Variants in ABCG2 observed in about 807,000 individuals in gnomAD.
ABCG2 encodes the protein broad substrate specificity ATP-binding cassette transporter ABCG2.
In ABCG2, 80 loss-of-function variants were observed where a neutral mutation model predicts 73.5. The observed-to-expected ratio is 1.09, with a 90% CI of 0.91 to 1.31. The LOEUF is 1.31. Ranked by LOEUF, ABCG2 falls within the 50% of genes most tolerant of loss-of-function variation. ABCG2 has a pLI of 0.00. For synonymous variants in ABCG2, 269 were observed against 282.4 expected, an observed-to-expected ratio of 0.95 and a Z score of 0.48; for missense variants, 796 against 786.2, an observed-to-expected ratio of 1.01 and a Z score of -0.15.
At chr4:88,215,110 A>AT (rs1729763163) in intron 1 of ABCG2, among the ~76,000 whole-genome samples, 1 of 152,144 alleles carries the variant, frequency 6.6e-6, no homozygotes, top group African/African-American at 2.4e-5. Context: ...TGGAAAAAAA[A>AT]GAGAGTTGCA....
chr4:88,216,949 T>G (rs1012998631), intron 1 of ABCG2, among the ~76,000 whole-genome samples: 4 of 151,594 alleles, frequency 2.6e-5, no homozygotes, highest in Non-Finnish European at 5.9e-5. Context: ...GAGAATCACT[T>G]GAACCCGGGA....
At chr4:88,117,802 A>G (rs1723695875) in intron 7 of ABCG2, among the ~76,000 whole-genome samples, 1 of 152,236 alleles carries the variant, frequency 6.6e-6, no homozygotes, top group Admixed American at 6.5e-5. Flanking sequence ...AAATGGCTAT[A>G]AGGCCAACAT....
At chr4:88,171,787 C>T (rs1727765565) in intron 1 of ABCG2, among the ~76,000 whole-genome samples, 1 of 152,046 alleles carries the variant, frequency 6.6e-6, no homozygotes, top group African/African-American at 2.4e-5. Flanking sequence ...TGCTTTAAGA[C>T]ACCTGGGAAT....
intron 1 of ABCG2, among the ~76,000 whole-genome samples, chr4:88,213,689 T>C (rs1438694157): frequency 2.0e-5 from 3 of 151,998 alleles, no homozygotes; most frequent in African/African-American, 7.3e-5. Context: ...TATATTTCTT[T>C]TTGTTTGTTT....
At chr4:88,122,437 C>T (rs769428591) in intron 5 of ABCG2, among the ~76,000 whole-genome samples, 4 of 152,192 alleles carry the variant, frequency 2.6e-5, no homozygotes, top group African/African-American at 9.6e-5. Context: ...ATTCTTACTG[C>T]CAGCACAGCA....
At chr4:88,100,064 C>T (rs1722285017) in intron 11 of ABCG2, among the ~76,000 whole-genome samples, 1 of 152,122 alleles carries the variant, frequency 6.6e-6, no homozygotes, top group South Asian at 2.1e-4. Context: ...CAAACTCTTC[C>T]ACTTCCTTCA....
intron 1 of ABCG2, among the ~76,000 whole-genome samples, chr4:88,189,965 T>C (rs1728618794): frequency 6.6e-6 from 1 of 152,130 alleles, no homozygotes; most frequent in Non-Finnish European, 1.5e-5. Context: ...AATGAACAAA[T>C]GAATGAAGTT....
chr4:88,100,224 G>A (rs1439945353), intron 11 of ABCG2, among the ~76,000 whole-genome samples: 2 of 150,828 alleles, frequency 1.3e-5, no homozygotes, highest in Non-Finnish European at 1.5e-5. Context: ...AGGCGCCCCG[G>A]TGCAGTGGCT....
rs1337157406 is a variant in ABCG2, at chr4:88,225,631, G to T, written c.-20+5363C>A. Among the ~76,000 whole-genome samples, 3 of 152,206 alleles carry T rather than the reference G, an allele frequency of 2.0e-5. No homozygotes were observed. The East Asian group carries it at 5.8e-4, about 29-fold the overall frequency. ...CACAGGGCTTTGATGTAGACAGGAA[G>T]CATAAGCTGAGCATTTTAATATGGT... On this transcript the variant is annotated intron_variant, in intron 1 of 15. Coordinates refer to the ABCG2 transcript ENST00000515655.
At chr4:88,194,443 G>A (rs1728847684) in intron 1 of ABCG2, among the ~76,000 whole-genome samples, 2 of 150,866 alleles carry the variant, frequency 1.3e-5, no homozygotes, top group Non-Finnish European at 1.5e-5. Context: ...CCAGCTACTC[G>A]GGAGGCTGAG....
intron 7 of ABCG2, among the ~76,000 whole-genome samples, chr4:88,116,201 A>AAATT (rs1266089819): frequency 6.6e-6 from 1 of 152,264 alleles, no homozygotes; most frequent in African/African-American, 2.4e-5. Context: ...TCTCAAAGGT[A>AAATT]AATTAATTAA....
intron 1 of ABCG2, among the ~76,000 whole-genome samples, chr4:88,184,515 A>C (rs1305174149): frequency 6.6e-6 from 1 of 152,222 alleles, no homozygotes; most frequent in Non-Finnish European, 1.5e-5. Flanking sequence ...ATATCTTTAC[A>C]ATGAAAGTGA....
intron 1 of ABCG2, among the ~76,000 whole-genome samples, chr4:88,198,570 C>A (rs565608888): frequency 3.3e-5 from 5 of 151,616 alleles, no homozygotes; most frequent in Non-Finnish European, 7.4e-5. Context: ...GAGTTTGAGG[C>A]TGCAGTGAGC....
At chr4:88,222,076 G>A (rs1730030475) in intron 1 of ABCG2, among the ~76,000 whole-genome samples, 1 of 152,180 alleles carries the variant, frequency 6.6e-6, no homozygotes, top group African/African-American at 2.4e-5. Flanking sequence ...TTGGTGCCCT[G>A]CATCCCAGCC....
At chr4:88,162,751 C>T (rs1047775396), upstream of ABCG2, among the ~76,000 whole-genome samples, 3 of 152,182 alleles carry the variant, frequency 2.0e-5, no homozygotes, top group African/African-American at 7.2e-5. Flanking sequence ...TGTTAGATGA[C>T]TTTCCTCATT....
intron 1 of ABCG2, among the ~76,000 whole-genome samples, chr4:88,184,407 C>T (rs1447437497): frequency 6.6e-6 from 1 of 152,066 alleles, no homozygotes; most frequent in Non-Finnish European, 1.5e-5. Context: ...TTCTATATGT[C>T]AGTAGCAAAC....
intron 5 of ABCG2, among the ~76,000 whole-genome samples, chr4:88,122,474 G>A (rs1724075419): frequency 6.6e-6 from 1 of 152,144 alleles, no homozygotes; most frequent in South Asian, 2.1e-4. Context: ...GGAAGCTTGA[G>A]CTTGGTGGGG....
intron 5 of ABCG2, among the ~76,000 whole-genome samples, chr4:88,127,439 A>G (rs375824437): frequency 8.5e-5 from 13 of 152,266 alleles, no homozygotes; most frequent in Admixed American, 3.9e-4. Context: ...TTCATATGGA[A>G]CCCAAAAAAA....
intron 1 of ABCG2, among the ~76,000 whole-genome samples, chr4:88,223,245 A>C (rs916991251): frequency 6.6e-6 from 1 of 152,148 alleles, no homozygotes; most frequent in Admixed American, 6.5e-5. Context: ...GAAGGGCATG[A>C]TTGTGTTTTA....
Sources: gnomAD v4.1 joint callset for allele counts (sites outside exome capture counted in the v4.1 genomes callset) on GRCh38, gnomAD v4.1.1 for gene constraint, MANE v1.5 for transcripts, NCBI Gene and HGNC (gene_info 2026-07-23, HGNC 2026-07-21) for gene names.